The following ADAMTS3 variants were observed in gnomAD, a reference collection of about 807,000 sequenced individuals.
ADAMTS3 encodes the protein ADAM metallopeptidase with thrombospondin type 1 motif 3, also known as A disintegrin and metalloproteinase with thrombospondin motifs 3.
In ADAMTS3, 73 loss-of-function variants were observed where a neutral mutation model predicts 129.0. The ratio of observed to expected loss-of-function variants is 0.57; its 90% confidence interval spans 0.47 to 0.69. ADAMTS3 has a LOEUF of 0.69. Ranked by LOEUF, ADAMTS3 falls within the 30% of genes least tolerant of loss-of-function variation. The probability of loss-of-function intolerance (pLI) is 0.00; values close to 1 mark genes in which losing one functional copy is unlikely to be tolerated. For synonymous variants in ADAMTS3, 477 were observed against 510.8 expected (o/e 0.93, Z 0.89); for missense variants, 1,457 against 1,514.5 (o/e 0.96, Z 0.63).
chr4:72,294,533 T>C (rs142940469), intron 19 of ADAMTS3, among the ~76,000 whole-genome samples: 4 of 152,214 alleles, frequency 2.6e-5, no homozygotes, highest in African/African-American at 9.6e-5. Context: ...AATGTATGCA[T>C]ACATCAAAAC....
At chr4:72,530,030 A>ATAT (rs1491529608) in intron 3 of ADAMTS3, among the ~76,000 whole-genome samples, 17 of 1,620 alleles carry the variant, frequency 0.01, 3 homozygotes, top group Non-Finnish European at 0.015. Flanking sequence ...ATTTATATAT[A>ATAT]AATATAATAT....
At chr4:72,340,312 C>T (rs1038820914) in intron 4 of ADAMTS3, among the ~76,000 whole-genome samples, 5 of 72,722 alleles carry the variant, frequency 6.9e-5, no homozygotes, top group African/African-American at 2.4e-4. Flanking sequence ...ATACTATATA[C>T]ATAAGTGTGT....
At chr4:72,363,467 G>A (rs767018234) in intron 4 of ADAMTS3, among the ~76,000 whole-genome samples, 2 of 152,138 alleles carry the variant, frequency 1.3e-5, no homozygotes, top group Non-Finnish European at 2.9e-5. Context: ...CTCCCTGAAT[G>A]AATGTAGAAG....
chr4:72,477,284 G>A (rs975784781), intron 3 of ADAMTS3, among the ~76,000 whole-genome samples: 1 of 152,162 alleles, frequency 6.6e-6, no homozygotes, highest in Non-Finnish European at 1.5e-5. Context: ...TGACCACACA[G>A]TTGGAAGTAA....
chr4:72,541,224 T>C (rs1223121753), intron 3 of ADAMTS3, among the ~76,000 whole-genome samples: 1 of 152,198 alleles, frequency 6.6e-6, no homozygotes, highest in African/African-American at 2.4e-5. Context: ...ATTTTGGAGC[T>C]TTAAAATTTG....
intron 2 of ADAMTS3, 29 bp downstream of exon 2, chr4:72,567,342 AGAT>A: frequency 6.3e-7 from 1 of 1,594,538 alleles, no homozygotes; most frequent in Non-Finnish European, 8.5e-7. Context: ...TTTCAACTTA[AGAT>A]AAGAGTGACA....
chr4:72,417,152 T>G (rs1045959276), intron 3 of ADAMTS3, among the ~76,000 whole-genome samples: 2 of 152,200 alleles, frequency 1.3e-5, no homozygotes, highest in African/African-American at 4.8e-5. Flanking sequence ...CTAAGTCCAC[T>G]AACATTTCCT....
intron 3 of ADAMTS3, among the ~76,000 whole-genome samples, chr4:72,473,387 T>C (rs537162415): frequency 3.3e-5 from 5 of 151,876 alleles, no homozygotes; most frequent in African/African-American, 1.2e-4. Context: ...CTCAGAAATG[T>C]AGACAAAAAC....
chr4:72,548,726 C>A lies in ADAMTS3; in HGVS notation c.256G>T (p.Ala86Ser), dbSNP rs1473727381. 6.2e-7 allele frequency: 1 copy of A among 1,613,982 alleles called. No individual in the cohort carries two copies. The highest frequency in any genetic ancestry group is 2.2e-5 in the East Asian group (1 of 44,882). ...CGCAGATGAAAATCTTTTCCAAATG[C>A]CGTGATGTTAAAGAACAACTGCTCA... ...NPEQLFFNIT[A>S]FGKDFHLRLK... The change falls in exon 3 of 22, where the codon GCA becomes TCA. Residue 86 changes from alanine to serine, a missense_variant. Ala to Ser is a moderately conservative substitution (Grantham distance 99). Transcript: ENST00000286657.
rs527778701 is a variant in ADAMTS3, at chr4:72,472,581, G to A, written c.505-57610C>T. ...AGAACCTGACAATGTCATCTTGTCCGTTCCCCAATATATATTTAATAAGGA... is the reference window on the plus strand; with the variant it reads ...AGAACCTGACAATGTCATCTTGTCCATTCCCCAATATATATTTAATAAGGA... On this transcript the variant is annotated intron_variant, in intron 3 of 21. Transcript: ENST00000286657. Among the ~76,000 whole-genome samples the A allele has an allele frequency of 8.0e-4, 121 of 152,054 alleles. 1 individual carries two copies. The highest frequency in any genetic ancestry group is 2.0e-3 in the Admixed American group (31 of 15,266).
At chr4:72,327,402 A>T (rs1719726620) in intron 5 of ADAMTS3, among the ~76,000 whole-genome samples, 1 of 152,228 alleles carries the variant, frequency 6.6e-6, no homozygotes. Flanking sequence ...AACAAAAAAG[A>T]ACAGCTAATA....
chr4:72,528,252 C>A (rs576459021), intron 3 of ADAMTS3, among the ~76,000 whole-genome samples: 8 of 150,736 alleles, frequency 5.3e-5, no homozygotes, highest in Non-Finnish European at 1.2e-4. Context: ...GTATTGGTTT[C>A]TGTTGCTTAG....
At chr4:72,417,231 A>C (rs1722328423) in intron 3 of ADAMTS3, among the ~76,000 whole-genome samples, 1 of 152,230 alleles carries the variant, frequency 6.6e-6, no homozygotes, top group Non-Finnish European at 1.5e-5. Flanking sequence ...TCCAAAGATC[A>C]TAATGATTCT....
intron 3 of ADAMTS3, among the ~76,000 whole-genome samples, chr4:72,472,515 G>A (rs1017247831): frequency 2.0e-5 from 3 of 151,962 alleles, no homozygotes; most frequent in African/African-American, 7.2e-5. Context: ...TTAGCAAAAT[G>A]GGCTAATTAA....
chr4:72,340,372 A>T (rs1446913725), intron 4 of ADAMTS3, among the ~76,000 whole-genome samples: 1 of 151,312 alleles, frequency 6.6e-6, no homozygotes, highest in African/African-American at 2.4e-5. Flanking sequence ...ATAGTATATA[A>T]TATACAGGTT....
At chr4:72,313,656 G>C in intron 12 of ADAMTS3, 21 bp downstream of exon 12, 1 of 1,609,794 alleles carries the variant, frequency 6.2e-7, no homozygotes, top group Non-Finnish European at 8.5e-7. Flanking sequence ...AAAATAACAA[G>C]AGTTACAAGG....
intron 4 of ADAMTS3, among the ~76,000 whole-genome samples, chr4:72,354,185 A>C (rs531147615): frequency 1.3e-5 from 2 of 152,100 alleles, no homozygotes; most frequent in South Asian, 4.1e-4. Context: ...TGTTTAGATA[A>C]AATATTCCTA....
chr4:72,537,035 G>C lies in ADAMTS3; in HGVS notation c.504+11443C>G, dbSNP rs562425414. 1.3e-5 allele frequency among the ~76,000 whole-genome samples: 2 copies of C among 152,274 alleles called. 1 individual carries two copies. Among genetic ancestry groups the C allele is most frequent in the Middle Eastern group, 6.8e-3 (2 of 294 alleles). On this transcript the variant is annotated intron_variant, in intron 3 of 21. Coordinates refer to ENST00000286657, the MANE Select transcript of ADAMTS3 (RefSeq NM_014243.3). ...ACTGGCAGAATCTGTCTGATGATAG[G>C]ATTTTGGAACTCTGTAGTCTACTGA... is the stretch of plus-strand genomic sequence containing the variant.
rs1437964076 is a variant in ADAMTS3, at chr4:72,283,724, A to T, written c.3050-20T>A. On this transcript the variant is annotated intron_variant, in intron 21 of 21. Coordinates refer to ENST00000286657, the MANE Select transcript of ADAMTS3 (RefSeq NM_014243.3). ...GTTCATCTGCAAAAATAAAAAGAAAATAAACTAACACTAGCATCTAAACAT... is the reference window on the plus strand; with the variant it reads ...GTTCATCTGCAAAAATAAAAAGAAATTAAACTAACACTAGCATCTAAACAT... The T allele has an allele frequency of 6.5e-7, 1 of 1,527,612 alleles. No individual in the cohort carries two copies. The highest frequency in any genetic ancestry group is 1.4e-5 in the African/African-American group (1 of 72,298). The allele number at this position is 1,527,612 out of a possible 1,614,324, so 94.6% of individuals were successfully genotyped here. A position where few individuals can be genotyped will look rare whatever the true frequency, so the allele number is the denominator to read the frequency against.
Sources: allele counts gnomAD v4.1 joint callset (sites outside exome capture counted in the v4.1 genomes callset), GRCh38; gene constraint gnomAD v4.1.1; transcripts MANE v1.5; gene names NCBI Gene and HGNC (gene_info 2026-07-23, HGNC 2026-07-21).